The following TMEM132B variants were observed in gnomAD, a reference collection of about 807,000 sequenced individuals.
The protein encoded by TMEM132B is transmembrane protein 132B.
A neutral mutation model predicts 90.8 loss-of-function variants in TMEM132B; 18 were observed. That is an observed-to-expected ratio of 0.20 (90% CI 0.14 to 0.29). TMEM132B has a LOEUF of 0.29. Among genes scored for constraint, TMEM132B ranks in the 10% least tolerant of loss-of-function variants. The pLI, the probability that TMEM132B is intolerant of heterozygous loss-of-function variation, is 1.00. For missense variants in TMEM132B, 1,096 were observed against 1,326.8 expected (o/e 0.83, Z 2.70); for synonymous variants, 504 against 523.3 (o/e 0.96, Z 0.50).
intron 6 of TMEM132B, 128 bp from the exon 7 acceptor site, chr12:125,650,555 G>A: frequency 9.3e-7 from 1 of 1,079,262 alleles, no homozygotes; most frequent in Non-Finnish European, 1.3e-6. Context: ...ATAGATGGCT[G>A]AGCAGGTCCT....
intron 5 of TMEM132B, among the ~76,000 whole-genome samples, chr12:125,643,097 G>A (rs1300398615): frequency 6.6e-6 from 1 of 152,152 alleles, no homozygotes; most frequent in Non-Finnish European, 1.5e-5. Flanking sequence ...GGCTCAGAAG[G>A]GAGGCCTGAG....
chr12:125,491,041 G>A (rs1882337533), intron 3 of TMEM132B, among the ~76,000 whole-genome samples: 1 of 152,074 alleles, frequency 6.6e-6, no homozygotes, highest in African/African-American at 2.4e-5. Flanking sequence ...TCCAGCACCA[G>A]TCAAGCCTTT....
At chr12:125,341,042 C>T (rs1468954862) in intron 1 of TMEM132B, among the ~76,000 whole-genome samples, 1 of 152,228 alleles carries the variant, frequency 6.6e-6, no homozygotes, top group Non-Finnish European at 1.5e-5. Flanking sequence ...TCATCTTGTG[C>T]TTTGAGAGCT....
chr12:125,593,903 A>G (rs962902935), intron 5 of TMEM132B, among the ~76,000 whole-genome samples: 26 of 152,228 alleles, frequency 1.7e-4, no homozygotes, highest in African/African-American at 6.0e-4. Context: ...TAACAGCTTT[A>G]TAGAGGTGTA....
chr12:125,267,792 C>T (rs147480993), intron 1 of TMEM132B, among the ~76,000 whole-genome samples: 2,411 of 152,100 alleles, frequency 0.016, 31 homozygotes, highest in Non-Finnish European at 0.023. Context: ...TTTGATTTCT[C>T]GAGAGAAGCT....
Position 125,246,482 on chromosome 12 carries a change from G to T in TMEM132B, c.67+59616G>T, listed in dbSNP as rs2136098308. ...TGCCTTGTTTCGAAACAGCGTGCCG[G>T]TGTTATGATTGTGATTACTATTATT... On this transcript the variant is annotated intron_variant, in intron 1 of 8. Coordinates refer to ENST00000682704, the MANE Select transcript of TMEM132B (RefSeq NM_001366854.1). This position sits in a 1 kb window ranked among gnomAD's most constrained non-coding sequence, Gnocchi z 4.2. Among the ~76,000 whole-genome samples, 1 of 152,290 alleles carries T rather than the reference G, an allele frequency of 6.6e-6. No individual in the cohort carries two copies. The highest frequency in any genetic ancestry group is 1.9e-4 in the East Asian group (1 of 5,186).
At chr12:125,371,830 G>A (rs1239386429) in intron 2 of TMEM132B, among the ~76,000 whole-genome samples, 1 of 152,148 alleles carries the variant, frequency 6.6e-6, no homozygotes, top group Non-Finnish European at 1.5e-5. Context: ...CACTAGCAGG[G>A]TATTGTTTGG....
rs146094608 is a variant in TMEM132B, at chr12:125,328,133, G to A, written c.68-21319G>A. On this transcript the variant is annotated intron_variant, in intron 1 of 8. Transcript: ENST00000682704. The stretch of plus-strand genomic sequence containing the variant: ...GTAATAGCAGAGTGATGTCTTAACC[G>A]TGTTATATCAAGTGGTGCCATGAAC... 6.3e-4 allele frequency among the ~76,000 whole-genome samples: 96 copies of A among 152,310 alleles called. No individual in the cohort carries two copies. In the East Asian group the frequency reaches 0.01, roughly 16 times the overall value.
At chr12:125,390,957 T>C (rs1054941312) in intron 2 of TMEM132B, among the ~76,000 whole-genome samples, 2 of 152,232 alleles carry the variant, frequency 1.3e-5, no homozygotes, top group Non-Finnish European at 2.9e-5. Context: ...AACCTATTCC[T>C]CTTTATCCTT....
intron 3 of TMEM132B, among the ~76,000 whole-genome samples, chr12:125,451,342 A>G (rs1442103913): frequency 1.3e-5 from 2 of 152,222 alleles, no homozygotes; most frequent in African/African-American, 4.8e-5. Flanking sequence ...TAGATGGTTC[A>G]GAAAAAGTAC....
At chr12:125,592,196 C>A (rs1885332795) in intron 5 of TMEM132B, among the ~76,000 whole-genome samples, 1 of 152,168 alleles carries the variant, frequency 6.6e-6, no homozygotes, top group African/African-American at 2.4e-5. Flanking sequence ...TTTTTTACTT[C>A]AGGATGGCTT....
In TMEM132B at chr12:125,654,582, G is replaced by T; in HGVS notation, c.3124G>T (p.Gly1042Cys). ...TSYTTILPED[G>C]GPYTNSILFD... The stretch of plus-strand genomic sequence containing the variant: ...CTACACCACCATCCTCCCAGAGGAC[G>T]GCGGCCCATACACCAACTCCATCCT... The change falls in exon 9 of 9, where the codon GGC becomes TGC. Residue 1042 changes from glycine (G) to cysteine (C), a missense_variant. Coordinates refer to ENST00000682704, the MANE Select transcript of TMEM132B (RefSeq NM_001366854.1). This position sits in a 1 kb window ranked among gnomAD's most constrained non-coding sequence, Gnocchi z 5.8. 1 of 1,614,152 alleles carries T rather than the reference G, an allele frequency of 6.2e-7. No homozygotes were observed. Among genetic ancestry groups the T allele is most frequent in the Non-Finnish European group, 8.5e-7 (1 of 1,180,024 alleles).
intron 3 of TMEM132B, among the ~76,000 whole-genome samples, chr12:125,444,308 GTTC>G (rs963191128): frequency 1.2e-4 from 19 of 152,110 alleles, no homozygotes; most frequent in African/African-American, 4.1e-4. Context: ...CTTCCATAGT[GTTC>G]TTATTTTCTG....
At chr12:125,383,857 G>A (rs1219417553) in intron 2 of TMEM132B, among the ~76,000 whole-genome samples, 1 of 152,236 alleles carries the variant, frequency 6.6e-6, no homozygotes, top group Non-Finnish European at 1.5e-5. Context: ...ATTTGCAAGT[G>A]TTAGAGAAGG....
At chr12:125,542,025 CAAA>C (rs71306285) in intron 4 of TMEM132B, among the ~76,000 whole-genome samples, 1 of 23,302 alleles carries the variant, frequency 4.3e-5, no homozygotes, top group East Asian at 1.1e-3. Context: ...ACCCCCGTCT[CAAA>C]AAAAAAAAAA....
intron 1 of TMEM132B, among the ~76,000 whole-genome samples, chr12:125,250,714 C>A (rs927067524): frequency 1.3e-5 from 2 of 152,102 alleles, no homozygotes; most frequent in Admixed American, 6.6e-5. Flanking sequence ...CCCAGAAGAC[C>A]CAGTGGACTG....
intron 3 of TMEM132B, among the ~76,000 whole-genome samples, chr12:125,505,335 A>G (rs1267641202): frequency 2.0e-5 from 3 of 152,044 alleles, no homozygotes; most frequent in African/African-American, 7.2e-5. Context: ...CATGAAATGG[A>G]GAAAAATAGA....
intron 2 of TMEM132B, among the ~76,000 whole-genome samples, chr12:125,368,719 C>G (rs960104546): frequency 4.6e-5 from 7 of 152,136 alleles, no homozygotes; most frequent in Admixed American, 2.6e-4. Context: ...AGGAATAGAC[C>G]CTGCCAGGAA....
intron 4 of TMEM132B, among the ~76,000 whole-genome samples, chr12:125,566,191 C>T (rs950162962): frequency 1.3e-5 from 2 of 152,214 alleles, no homozygotes; most frequent in African/African-American, 4.8e-5. Flanking sequence ...ACAATGCTTG[C>T]ATTGGTAAAT....
Sources: gnomAD v4.1 joint callset for allele counts (sites outside exome capture counted in the v4.1 genomes callset) on GRCh38, gnomAD v4.1.1 for gene constraint, Gnocchi (gnomAD v3.1) non-coding constraint, MANE v1.5 for transcripts, NCBI Gene and HGNC (gene_info 2026-07-23, HGNC 2026-07-21) for gene names.